Variants in TDRP observed in about 807,000 individuals in gnomAD.
The protein encoded by TDRP is testis development related protein, also known as testis development-related protein.
Under a neutral mutation model 10.5 loss-of-function variants are expected in TDRP, and 12 were observed. The ratio of observed to expected loss-of-function variants is 1.15; its 90% CI spans 0.73 to 1.86. The LOEUF is 1.86. Ranked by LOEUF, TDRP falls within the 40% of genes most tolerant of loss-of-function variation. The pLI is 0.00. For missense variants in TDRP, 353 were observed against 229.2 expected, an observed-to-expected ratio of 1.54 and a Z score of -3.49; for synonymous variants, 139 against 95.4, an observed-to-expected ratio of 1.46 and a Z score of -2.67.
chr8:518,308 GAGA>G (rs1248582838), intron 1 of TDRP, among the ~76,000 whole-genome samples: 2 of 152,176 alleles, frequency 1.3e-5, no homozygotes, highest in East Asian at 3.9e-4. Flanking sequence ...TATTGAAAAA[GAGA>G]AGATGACAAC....
chr8:503,962 C>G (rs1348128788), intron 1 of TDRP, among the ~76,000 whole-genome samples: 1 of 146,994 alleles, frequency 6.8e-6, no homozygotes, highest in Non-Finnish European at 1.5e-5. Flanking sequence ...ATGCCCACCT[C>G]AGCACAAGTC....
At chr8:505,694 T>G (rs773668886) in intron 1 of TDRP, among the ~76,000 whole-genome samples, 6 of 152,134 alleles carry the variant, frequency 3.9e-5, no homozygotes, top group Non-Finnish European at 7.4e-5. Context: ...GGCTTTAGAT[T>G]GAGAACTGTA....
chr8:515,299 G>C (rs1271995608), intron 1 of TDRP, among the ~76,000 whole-genome samples: 2 of 152,160 alleles, frequency 1.3e-5, no homozygotes, highest in Non-Finnish European at 2.9e-5. Context: ...TGTAAAATTA[G>C]GAAATCTCTG....
rs866391923 is a variant in TDRP at position 544,671 on chromosome 8, G to T, written c.87C>A (p.Ala29=). 1 of 1,184,632 alleles carries T rather than the reference G, an allele frequency of 8.4e-7. No homozygotes were observed. Among genetic ancestry groups the T allele is most frequent in the Non-Finnish European group, 1.1e-6 (1 of 942,864 alleles). The allele number at this position is 1,184,632 out of a possible 1,614,324, so 73.4% of individuals were successfully genotyped here. The change falls in exon 1 of 3, where the codon GCC becomes GCA. Residue 29 remains alanine (A), a synonymous_variant. Transcript: ENST00000324079. ...TCACCTGCGCCTGGGCGGCGGCGGC[G>T]GCGGCCGGTGGCGGCCCCCCACGCA... ...DGLRGGPPPA[A]AAAAQAQVQG...
At chr8:528,640 G>A (rs892756444) in intron 1 of TDRP, among the ~76,000 whole-genome samples, 18 of 131,064 alleles carry the variant, frequency 1.4e-4, no homozygotes, top group African/African-American at 3.9e-4. Context: ...TAATTGGATT[G>A]TTTGTAACAC....
At chr8:522,159 T>A (rs1021889269) in intron 1 of TDRP, among the ~76,000 whole-genome samples, 1 of 152,212 alleles carries the variant, frequency 6.6e-6, no homozygotes, top group Admixed American at 6.5e-5. Flanking sequence ...CAGTCCCCTA[T>A]TTACATTGTG....
chr8:492,148 G>A lies in TDRP; in HGVS notation c.*251C>T. ...AGAGCATCATAAATTCACATCTCCAGTTTCTGCAAAACATGGACTGATAGG... is the reference window on the plus strand; with the variant it reads ...AGAGCATCATAAATTCACATCTCCAATTTCTGCAAAACATGGACTGATAGG... On this transcript the variant is annotated 3_prime_UTR_variant, in exon 3 of 3. Transcript: ENST00000324079. The A allele has an allele frequency of 1.6e-6, 2 of 1,249,184 alleles. No individual in the cohort carries two copies. Among genetic ancestry groups the A allele is most frequent in the Admixed American group, 3.9e-5 (1 of 25,742 alleles). The allele number at this position is 1,249,184 out of a possible 1,614,324, so 77.4% of individuals were successfully genotyped here. A position where few individuals can be genotyped will look rare whatever the true frequency, so the allele number is the denominator to read the frequency against.
intron 1 of TDRP, among the ~76,000 whole-genome samples, chr8:496,970 G>T (rs1038962696): frequency 6.6e-6 from 1 of 152,114 alleles, no homozygotes; most frequent in Non-Finnish European, 1.5e-5. Flanking sequence ...AAGTTTCCTA[G>T]GCCTCCCCAG....
At chr8:497,337 T>C (rs905490318) in intron 1 of TDRP, among the ~76,000 whole-genome samples, 14 of 152,212 alleles carry the variant, frequency 9.2e-5, no homozygotes, top group African/African-American at 2.9e-4. Flanking sequence ...AAGGTCCCTC[T>C]TGCTTTGCCT....
intron 1 of TDRP, among the ~76,000 whole-genome samples, chr8:528,334 A>T (rs1335385677): frequency 2.0e-5 from 3 of 152,210 alleles, no homozygotes; most frequent in Non-Finnish European, 4.4e-5. Context: ...TACAGCCACT[A>T]TGGAGAACAG....
At chr8:542,700 C>T (rs1211342354) in intron 1 of TDRP, among the ~76,000 whole-genome samples, 1 of 151,844 alleles carries the variant, frequency 6.6e-6, no homozygotes, top group African/African-American at 2.4e-5. Flanking sequence ...TCTGTCTCTA[C>T]TAAAAATACA....
intron 1 of TDRP, among the ~76,000 whole-genome samples, chr8:528,848 T>C (rs567068743): frequency 1.6e-5 from 2 of 124,172 alleles, no homozygotes; most frequent in East Asian, 3.9e-4. Flanking sequence ...TGTGTATATA[T>C]GTGTGTGTGT....
At chr8:545,763 C>G (rs906788791), upstream of TDRP, 6 of 149,638 alleles carry the variant, frequency 4.0e-5, no homozygotes, top group Non-Finnish European at 5.9e-5. Context: ...CCTGGGGCGC[C>G]GCGGGCTCGG....
At chr8:494,414 C>T in intron 2 of TDRP, 80 bp downstream of exon 2, 1 of 1,390,406 alleles carries the variant, frequency 7.2e-7, no homozygotes, top group Non-Finnish European at 1.0e-6. Flanking sequence ...GCATTTATGC[C>T]ATCAAATCTT....
intron 1 of TDRP, among the ~76,000 whole-genome samples, chr8:503,387 T>C (rs146087570): frequency 2.7e-5 from 4 of 149,208 alleles, no homozygotes; most frequent in African/African-American, 7.5e-5. Flanking sequence ...TCAGAACCAA[T>C]GCCCACCTCT....
At chr8:543,296 G>C (rs1004820634) in intron 1 of TDRP, among the ~76,000 whole-genome samples, 1 of 152,052 alleles carries the variant, frequency 6.6e-6, no homozygotes, top group African/African-American at 2.4e-5. Flanking sequence ...CTAGTAAACG[G>C]GGCAAGACCC....
At chr8:535,636 T>A (rs1159719936) in intron 1 of TDRP, among the ~76,000 whole-genome samples, 1 of 152,004 alleles carries the variant, frequency 6.6e-6, no homozygotes, top group Non-Finnish European at 1.5e-5. Context: ...TAAAGCCAAG[T>A]CGCCCATTCC....
intron 1 of TDRP, among the ~76,000 whole-genome samples, chr8:511,415 G>A (rs1010743545): frequency 6.6e-6 from 1 of 151,996 alleles, no homozygotes; most frequent in African/African-American, 2.4e-5. Flanking sequence ...CCATCAGGAA[G>A]ATATAACAAT....
intron 1 of TDRP, among the ~76,000 whole-genome samples, chr8:531,291 C>T (rs534446484): frequency 6.6e-6 from 1 of 152,226 alleles, no homozygotes; most frequent in African/African-American, 2.4e-5. Flanking sequence ...ATATTGTTGT[C>T]AGTCAGAGTC....
Sources: allele counts gnomAD v4.1 joint callset (sites outside exome capture counted in the v4.1 genomes callset), GRCh38; gene constraint gnomAD v4.1.1; transcripts MANE v1.5; gene names NCBI Gene and HGNC (gene_info 2026-07-23, HGNC 2026-07-21).